KAZN: variants seen among roughly 807,000 people sequenced by gnomAD.
The protein encoded by KAZN is kazrin.
Under a neutral mutation model 87.4 loss-of-function variants are expected in KAZN, and 40 were observed. That is an observed-to-expected ratio of 0.46 (90% confidence interval 0.36 to 0.60). The LOEUF (loss-of-function observed/expected upper bound fraction) is 0.60, where lower values mean the gene tolerates loss of function less well. KAZN is among the 20% of genes least tolerant of loss of function. The pLI is 0.00. For synonymous variants in KAZN, 466 were observed against 458.3 expected, an observed-to-expected ratio of 1.02 and a Z score of -0.22; for missense variants, 898 against 1,073.9, an observed-to-expected ratio of 0.84 and a Z score of 2.29.
intron 2 of KAZN, among the ~76,000 whole-genome samples, chr1:14,398,041 CAAGT>C (rs1663051304): frequency 6.6e-6 from 1 of 152,140 alleles, no homozygotes; most frequent in Non-Finnish European, 1.5e-5. Flanking sequence ...CATAGATGCA[CAAGT>C]GAGTCTAGCC....
chr1:13,985,566 G>C (rs1480327785), intron 1 of KAZN, among the ~76,000 whole-genome samples: 3 of 109,552 alleles, frequency 2.7e-5, no homozygotes, highest in African/African-American at 1.1e-4. Context: ...TGGGGTGGGG[G>C]GAGGGGGGAG....
chr1:14,257,394 C>A (rs988017086), intron 2 of KAZN, among the ~76,000 whole-genome samples: 2 of 144,858 alleles, frequency 1.4e-5, no homozygotes, highest in Non-Finnish European at 3.0e-5. Context: ...GAGTAGGTTG[C>A]GAAAATTTTC....
intron 1 of KAZN, among the ~76,000 whole-genome samples, chr1:13,976,007 C>G (rs1052938508): frequency 6.6e-6 from 1 of 152,184 alleles, no homozygotes; most frequent in South Asian, 2.1e-4. Flanking sequence ...TTGCACCCTG[C>G]CTTGAATTCA....
At chr1:15,084,601 T>C (rs546365027) in intron 8 of KAZN, among the ~76,000 whole-genome samples, 38 of 152,312 alleles carry the variant, frequency 2.5e-4, no homozygotes, top group African/African-American at 8.7e-4. Flanking sequence ...AGGACTGTTA[T>C]CAGGGGGTTA....
At position 14,908,629 on chromosome 1, in the gene KAZN, A is replaced by T. The variant is rs1656881340; in HGVS notation, c.227-52055A>T. ...CTACTCAGGAGGCTGAGGTGGGAGG[A>T]TTGCTTGAGGCTGGGAGGTTGAGGC... On this transcript the variant is annotated intron_variant, in intron 1 of 14. Coordinates refer to ENST00000376030, the MANE Select transcript of KAZN (RefSeq NM_201628.3). 2.0e-5 allele frequency among the ~76,000 whole-genome samples: 3 copies of T among 151,958 alleles called. No individual in the cohort carries two copies. The South Asian group carries it at 6.2e-4, about 32-fold the overall frequency.
chr1:14,443,702 C>T lies in KAZN; in HGVS notation c.250-155281C>T, dbSNP rs148333323. Among the ~76,000 whole-genome samples the T allele has an allele frequency of 9.7e-3, 1,478 of 152,292 alleles. 22 individuals carry two copies. The highest frequency in any genetic ancestry group is 0.034 in the African/African-American group (1,403 of 41,556). ...CCAGTGACTCACTCCTCTCGAGCCT[C>T]CCACAGGGATGTGGAGGCATTAAAG... On this transcript the variant is annotated intron_variant, in intron 2 of 16. Transcript: ENST00000636203.
At position 15,050,511 on chromosome 1, in the gene KAZN, G is replaced by A. The variant is rs550248086; in HGVS notation, c.727-5580G>A. ...GAGGCAGGGACTGTGAGGGATGAGC[G>A]GGCGGAGAAGCAGGAGGGCTTGGCC... On this transcript the variant is annotated intron_variant, in intron 4 of 14. Coordinates refer to ENST00000376030, the MANE Select transcript of KAZN (RefSeq NM_201628.3). 9.3e-4 allele frequency among the ~76,000 whole-genome samples: 141 copies of A among 152,326 alleles called. 2 individuals carry two copies. The highest frequency in any genetic ancestry group is 8.0e-3 in the Admixed American group (123 of 15,302).
intron 1 of KAZN, among the ~76,000 whole-genome samples, chr1:14,849,940 T>C (rs1038939667): frequency 3.1e-4 from 45 of 143,032 alleles, no homozygotes; most frequent in African/African-American, 1.1e-3. Context: ...TACCCCCCCT[T>C]TTTTTTTTTT....
intron 1 of KAZN, among the ~76,000 whole-genome samples, chr1:14,718,681 A>T (rs892982142): frequency 6.6e-6 from 1 of 152,184 alleles, no homozygotes; most frequent in Non-Finnish European, 1.5e-5. Flanking sequence ...GGGCAGTGCC[A>T]AGGACCTCAC....
At chr1:14,899,843 C>T (rs981704864) in intron 1 of KAZN, among the ~76,000 whole-genome samples, 6 of 152,184 alleles carry the variant, frequency 3.9e-5, no homozygotes, top group Non-Finnish European at 7.3e-5. Context: ...AGTCTCCCTT[C>T]GTAACTCTGC....
chr1:14,708,068 G>A (rs990075761), intron 1 of KAZN, among the ~76,000 whole-genome samples: 3 of 152,248 alleles, frequency 2.0e-5, no homozygotes, highest in African/African-American at 4.8e-5. Flanking sequence ...GGGTGACACC[G>A]GCCTTCTCCT....
intron 2 of KAZN, among the ~76,000 whole-genome samples, chr1:14,550,735 CT>C (rs1557793807): frequency 0.017 from 1,269 of 75,200 alleles, 10 homozygotes; most frequent in African/African-American, 0.049. Context: ...CTCTCTCTCT[CT>C]CTCCCCCACC....
At position 13,925,160 on chromosome 1, in the gene KAZN, C is replaced by T. The variant is rs574350758; in HGVS notation, c.91+31404C>T. On this transcript the variant is annotated intron_variant, in intron 1 of 16. Coordinates refer to the KAZN transcript ENST00000636203. ...TTTATCTATTCTGGACATTTCACAG[C>T]GATGGGATCATAGATTACGTGGTCT... Among the ~76,000 whole-genome samples the T allele has an allele frequency of 3.9e-5, 6 of 152,338 alleles. No homozygotes were observed. The East Asian group carries it at 7.7e-4, about 20-fold the overall frequency.
In KAZN at chr1:14,856,310, G is replaced by A. The variant is rs1650096834; in HGVS notation, c.227-104374G>A. On this transcript the variant is annotated intron_variant, in intron 1 of 14. Coordinates refer to ENST00000376030, the MANE Select transcript of KAZN (RefSeq NM_201628.3). This position sits in a 1 kb window ranked among gnomAD's most constrained non-coding sequence, Gnocchi z 5.2. The stretch of plus-strand genomic sequence containing the variant: ...ATTCCCTGCTTTTATGGGTACCTAT[G>A]CATTCATGCCTAAGTGTGAGCTTGA... Among the ~76,000 whole-genome samples the A allele has an allele frequency of 1.3e-5, 2 of 152,206 alleles. No individual in the cohort carries two copies. Among genetic ancestry groups the A allele is most frequent in the African/African-American group, 2.4e-5 (1 of 41,458 alleles).
Position 13,961,103 on chromosome 1 carries a change from C to T in KAZN, c.91+67347C>T, listed in dbSNP as rs113099910. On this transcript the variant is annotated intron_variant, in intron 1 of 16. Transcript: ENST00000636203. Reference sequence around the variant, plus strand: ...ACATTAGGGGCTGAGCCCCTTTTTCCCACCTCCCTTTTCCCTCTCCTGCCC... The same window carrying T: ...ACATTAGGGGCTGAGCCCCTTTTTCTCACCTCCCTTTTCCCTCTCCTGCCC... Among the ~76,000 whole-genome samples the T allele has an allele frequency of 3.3e-3, 505 of 152,188 alleles. 6 individuals are homozygous for T. Among genetic ancestry groups the T allele is most frequent in the African/African-American group, 0.012 (489 of 41,532 alleles).
rs1644964316 is a variant in KAZN, at chr1:14,769,382, C to T, written c.226+170159C>T. Among the ~76,000 whole-genome samples, 1 of 152,102 alleles carries T rather than the reference C, an allele frequency of 6.6e-6. No homozygotes were observed. Among genetic ancestry groups the T allele is most frequent in the Admixed American group, 6.6e-5 (1 of 15,266 alleles). On this transcript the variant is annotated intron_variant, in intron 1 of 14. Coordinates refer to ENST00000376030, the MANE Select transcript of KAZN (RefSeq NM_201628.3). The surrounding 1 kb of genome is among the most constrained non-coding windows in gnomAD (Gnocchi z 4.1). ...CTTTTTTCTTTTCTTGAGACGGAGT[C>T]GTGCTCTCGTTGCCCAGGCTGGAGT...
chr1:14,058,126 C>T (rs1026854311), intron 1 of KAZN, among the ~76,000 whole-genome samples: 3 of 152,144 alleles, frequency 2.0e-5, no homozygotes, highest in African/African-American at 7.2e-5. Context: ...CCATATGCCC[C>T]ACCTGTGTCT....
chr1:14,085,818 A>G lies in KAZN; in HGVS notation c.92-94617A>G, dbSNP rs78760450. 3.2e-4 allele frequency among the ~76,000 whole-genome samples: 49 copies of G among 152,320 alleles called. No individual in the cohort carries two copies. In the East Asian group the frequency reaches 8.1e-3, roughly 25 times the overall value. On this transcript the variant is annotated intron_variant, in intron 1 of 16. Transcript: ENST00000636203. ...TTGCTTATATGGTAAGTGTAACTTT[A>G]TAAGAAATCATCAAACTGTTTTCCA...
In KAZN at chr1:14,816,082, A is replaced by G. The variant is rs76904454; in HGVS notation, c.227-144602A>G. 9.2e-3 allele frequency among the ~76,000 whole-genome samples: 1,397 copies of G among 152,220 alleles called. 7 individuals are homozygous for G. Among genetic ancestry groups the G allele is most frequent in the Non-Finnish European group, 0.016 (1,058 of 67,998 alleles). On this transcript the variant is annotated intron_variant, in intron 1 of 14. Coordinates refer to ENST00000376030, the MANE Select transcript of KAZN (RefSeq NM_201628.3). ...TGCCAGCTTCTGTTGGGGTTTGAGGAGAGGACAAGAGGAGGGTAGGATGGC... is the reference window on the plus strand; with the variant it reads ...TGCCAGCTTCTGTTGGGGTTTGAGGGGAGGACAAGAGGAGGGTAGGATGGC...
Sources: allele counts gnomAD v4.1 joint callset (sites outside exome capture counted in the v4.1 genomes callset), GRCh38; gene constraint gnomAD v4.1.1; non-coding constraint Gnocchi (gnomAD v3.1); transcripts MANE v1.5; gene names NCBI Gene and HGNC (gene_info 2026-07-23, HGNC 2026-07-21).